SETD5: variants seen among roughly 807,000 people sequenced by gnomAD.
SETD5 encodes the protein SET domain containing 5, also known as histone-lysine N-methyltransferase SETD5.
A neutral mutation model predicts 153.3 loss-of-function variants in SETD5; 44 were observed. The ratio of observed to expected loss-of-function variants is 0.29; its 90% confidence interval spans 0.23 to 0.37. The LOEUF (loss-of-function observed/expected upper bound fraction) is 0.37, where lower values mean the gene tolerates loss of function less well. Ranked by LOEUF, SETD5 falls within the 10% of genes least tolerant of loss-of-function variation. SETD5 has a pLI of 1.00. For missense variants in SETD5, 1,544 were observed against 1,768.0 expected, an observed-to-expected ratio of 0.87 and a Z score of 2.27; for synonymous variants, 716 against 645.2, an observed-to-expected ratio of 1.11 and a Z score of -1.66.
chr3:9,406,822 C>T (rs2035779922), intron 1 of SETD5, among the ~76,000 whole-genome samples: 1 of 152,064 alleles, frequency 6.6e-6, no homozygotes, highest in Non-Finnish European at 1.5e-5. Flanking sequence ...TGTCTGCATA[C>T]CAAATTGTTA....
intron 3 of SETD5, chr3:9,431,188 G>T: frequency 2.0e-6 from 2 of 985,386 alleles, no homozygotes; most frequent in Non-Finnish European, 2.4e-6. Flanking sequence ...AGGAAAATTT[G>T]TAGATGTAAC....
At chr3:9,438,835 C>T (rs1056057971) in intron 7 of SETD5, among the ~76,000 whole-genome samples, 2 of 152,106 alleles carry the variant, frequency 1.3e-5, no homozygotes, top group African/African-American at 2.4e-5. Flanking sequence ...CACTAGATGC[C>T]GGTAACACTC....
At chr3:9,403,020 C>T (rs2035059087) in intron 1 of SETD5, among the ~76,000 whole-genome samples, 1 of 152,012 alleles carries the variant, frequency 6.6e-6, no homozygotes, top group Admixed American at 6.6e-5. Context: ...AAGTGCGGGG[C>T]AGGACAAAGG....
Position 9,464,510 on chromosome 3 carries a change from C to A in SETD5, c.2562C>A (p.Val854=), listed in dbSNP as rs1194301629. 1.9e-6 allele frequency: 3 copies of A among 1,614,016 alleles called. No individual in the cohort carries two copies. The highest frequency in any genetic ancestry group is 2.5e-6 in the Non-Finnish European group (3 of 1,179,884). Residue 854 remains valine (V), a synonymous_variant, in exon 18 of 23, where the codon GTC becomes GTA. Transcript: ENST00000402198. The part of the protein sequence containing the change: ...VTKLLRPLSP[V]TPPPPNSGSK... Reference sequence around the variant, plus strand: ...AGTTACTTCGGCCTCTGTCTCCAGTCACACCACCCCCTCCCAATTCAGGCT... The same window carrying A: ...AGTTACTTCGGCCTCTGTCTCCAGTAACACCACCCCCTCCCAATTCAGGCT...
In SETD5 at chr3:9,429,026, A is replaced by G. The variant is rs754674300; in HGVS notation, c.71+17A>G. Reference sequence around the variant, plus strand: ...TGGATCAGAGTAAGTGCTACTTTCTAGGTAGTAGGTACATTATCAGTCTGT... The same window carrying G: ...TGGATCAGAGTAAGTGCTACTTTCTGGGTAGTAGGTACATTATCAGTCTGT... On this transcript the variant is annotated intron_variant, in intron 3 of 22. Coordinates refer to ENST00000402198, the MANE Select transcript of SETD5 (RefSeq NM_001080517.3). 1.3e-6 allele frequency: 2 copies of G among 1,584,908 alleles called. No homozygotes were observed. The highest frequency in any genetic ancestry group is 1.7e-6 in the Non-Finnish European group (2 of 1,155,258).
chr3:9,421,330 G>T (rs1414674549), intron 1 of SETD5, among the ~76,000 whole-genome samples: 3 of 151,724 alleles, frequency 2.0e-5, no homozygotes, highest in Admixed American at 1.3e-4. Context: ...TAGGAGATGG[G>T]TCTCACTATG....
chr3:9,445,536 C>T lies in SETD5; in HGVS notation c.1441-121C>T, dbSNP rs578217066. The T allele has an allele frequency of 1.5e-5, 14 of 937,588 alleles. 1 individual carries two copies. The South Asian group carries it at 2.2e-4, about 14-fold the overall frequency. The allele number at this position is 937,588 out of a possible 1,614,324, so 58.1% of individuals were successfully genotyped here. A position where few individuals can be genotyped will look rare whatever the true frequency, so the allele number is the denominator to read the frequency against. On this transcript the variant is annotated intron_variant, in intron 12 of 22. Coordinates refer to ENST00000402198, the MANE Select transcript of SETD5 (RefSeq NM_001080517.3). ...ATCATCTGTGTTTACCATGTGGCCT[C>T]ACATGAGTTAACAGTTTAAAGCACT...
chr3:9,403,225 A>G lies in SETD5; in HGVS notation c.-177+5248A>G, dbSNP rs141814791. Among the ~76,000 whole-genome samples, 801 of 152,306 alleles carry G rather than the reference A, an allele frequency of 5.3e-3. 6 individuals are homozygous for G. Among genetic ancestry groups the G allele is most frequent in the Middle Eastern group, 0.037 (11 of 294 alleles). ...CCCCAAATTTGATACATTTCAGAAT[A>G]TCTTGTAGGGATCCATTCTCGCCAA... On this transcript the variant is annotated intron_variant, in intron 1 of 22. Transcript: ENST00000402198.
Position 9,417,733 on chromosome 3 carries a change from C to T in SETD5, c.-176-6734C>T, listed in dbSNP as rs192750725. On this transcript the variant is annotated intron_variant, in intron 1 of 22. Transcript: ENST00000402198. ...ATCTCCTGACCTCGTGATCCGCCCGCCTCGGCCTCCCAAAGTGCTGGGATT... is the reference window on the plus strand; with the variant it reads ...ATCTCCTGACCTCGTGATCCGCCCGTCTCGGCCTCCCAAAGTGCTGGGATT... Among the ~76,000 whole-genome samples, 22 of 151,858 alleles carry T rather than the reference C, an allele frequency of 1.4e-4. No individual in the cohort carries two copies. The East Asian group carries it at 3.9e-3, about 27-fold the overall frequency.
intron 3 of SETD5, chr3:9,433,591 CT>C: frequency 7.9e-7 from 1 of 1,270,068 alleles, no homozygotes; most frequent in South Asian, 1.3e-5. Flanking sequence ...TTAGGGACAC[CT>C]TGTATCTCAG....
At chr3:9,470,318 CA>C (rs1368957325) in intron 18 of SETD5, 140 bp from the exon 19 acceptor site, 18 of 678,672 alleles carry the variant, frequency 2.7e-5, no homozygotes, top group Non-Finnish European at 2.3e-5. Flanking sequence ...GGGACTTTTA[CA>C]GAATATAATG....
chr3:9,442,018 C>T (rs566805386), intron 9 of SETD5, 110 bp from the exon 10 acceptor site: 206 of 776,198 alleles, frequency 2.7e-4, no homozygotes, highest in Middle Eastern at 8.6e-4. Context: ...CAAGTTTAGG[C>T]GTTGCAAAAG....
chr3:9,413,251 A>C (rs2036866941), intron 1 of SETD5, among the ~76,000 whole-genome samples: 1 of 152,164 alleles, frequency 6.6e-6, no homozygotes, highest in Non-Finnish European at 1.5e-5. Flanking sequence ...TAAGAGGGAA[A>C]TTTTAATATT....
intron 1 of SETD5, among the ~76,000 whole-genome samples, chr3:9,408,642 T>C (rs2036092319): frequency 6.6e-6 from 1 of 152,206 alleles, no homozygotes. Flanking sequence ...TTCATGTAAA[T>C]TACTGCTTAG....
rs1359329870 is a variant in SETD5 at position 9,434,999 on chromosome 3, C to T, written c.388+117C>T. ...GTGGCTTACGCCTGTAATCTCACCACTTAGGGAGGCCAAAGCGGGCGGATC... is the reference window on the plus strand; with the variant it reads ...GTGGCTTACGCCTGTAATCTCACCATTTAGGGAGGCCAAAGCGGGCGGATC... On this transcript the variant is annotated intron_variant, in intron 6 of 22. Transcript: ENST00000402198. This position sits in a 1 kb window ranked among gnomAD's most constrained non-coding sequence, Gnocchi z 5.6. The T allele has an allele frequency of 8.4e-7, 1 of 1,184,292 alleles. No homozygotes were observed. The highest frequency in any genetic ancestry group is 1.2e-6 in the Non-Finnish European group (1 of 861,442). 73.4% of individuals were successfully genotyped at this position (1,184,292 alleles called of 1,614,324 possible).
At chr3:9,408,873 T>A (rs888597462) in intron 1 of SETD5, among the ~76,000 whole-genome samples, 9 of 152,172 alleles carry the variant, frequency 5.9e-5, no homozygotes, top group African/African-American at 2.2e-4. Context: ...AAGTTATTTA[T>A]TAATATTAAA....
chr3:9,459,253 A>G (rs2043634191), intron 17 of SETD5, among the ~76,000 whole-genome samples: 1 of 152,224 alleles, frequency 6.6e-6, no homozygotes. Flanking sequence ...AACAATTGCA[A>G]AAACTATAGG....
chr3:9,423,896 G>A (rs1307644306), intron 1 of SETD5, among the ~76,000 whole-genome samples: 1 of 152,100 alleles, frequency 6.6e-6, no homozygotes, highest in African/African-American at 2.4e-5. Flanking sequence ...TAATTTAAGC[G>A]CCATTTTTTA....
rs543412814 is a variant in SETD5 at position 9,466,397 on chromosome 3, TAAAC to T, written c.2724+1727_2724+1730del. Among the ~76,000 whole-genome samples the T allele has an allele frequency of 3.9e-5, 6 of 152,128 alleles. No homozygotes were observed. The South Asian group carries it at 1.0e-3, about 26-fold the overall frequency. On this transcript the variant is annotated intron_variant, in intron 18 of 22. Transcript: ENST00000402198. ...CCCTTGTAGCATTTGGGATAACTATTAAACACTGCAAATATAAAGTGGTTTTGGT... is the reference window on the plus strand; with the variant it reads ...CCCTTGTAGCATTTGGGATAACTATTACTGCAAATATAAAGTGGTTTTGGT...
Sources: allele counts gnomAD v4.1 joint callset (sites outside exome capture counted in the v4.1 genomes callset), GRCh38; gene constraint gnomAD v4.1.1; non-coding constraint Gnocchi (gnomAD v3.1); transcripts MANE v1.5; gene names NCBI Gene and HGNC (gene_info 2026-07-23, HGNC 2026-07-21).